The following CALCR variants were observed in gnomAD, a reference collection of about 807,000 sequenced individuals.
The protein encoded by CALCR is calcitonin receptor.
CALCR carries 47 observed loss-of-function variants against 59.5 expected under a neutral mutation model. The observed-to-expected ratio is 0.79, with a 90% confidence interval of 0.63 to 1.01. The LOEUF (loss-of-function observed/expected upper bound fraction) is 1.01. CALCR is among the 50% of genes least tolerant of loss of function. The probability of loss-of-function intolerance (pLI) is 0.00; values close to 1 mark genes in which losing one functional copy is unlikely to be tolerated. For missense variants in CALCR, 566 were observed against 597.1 expected, an observed-to-expected ratio of 0.95 and a Z score of 0.54; for synonymous variants, 213 against 211.3, an observed-to-expected ratio of 1.01 and a Z score of -0.07.
At chr7:93,490,210 C>T (rs934429397) in intron 2 of CALCR, among the ~76,000 whole-genome samples, 2 of 151,842 alleles carry the variant, frequency 1.3e-5, no homozygotes, top group African/African-American at 4.8e-5. Flanking sequence ...AGGCAACATC[C>T]CTTTATGTTA....
chr7:93,562,458 A>G (rs1563021905), intron 2 of CALCR, among the ~76,000 whole-genome samples: 1 of 152,218 alleles, frequency 6.6e-6, no homozygotes, highest in Non-Finnish European at 1.5e-5. Context: ...TGAAGACATT[A>G]TAATTAATAA....
intron 13 of CALCR, among the ~76,000 whole-genome samples, chr7:93,428,132 T>C (rs1189248754): frequency 6.6e-6 from 1 of 152,126 alleles, no homozygotes; most frequent in African/African-American, 2.4e-5. Context: ...CAGCTGAAAG[T>C]TGTATTGAAA....
intron 2 of CALCR, among the ~76,000 whole-genome samples, chr7:93,569,178 T>C (rs1393999898): frequency 6.6e-6 from 1 of 152,090 alleles, no homozygotes; most frequent in African/African-American, 2.4e-5. Flanking sequence ...TATCCATCCT[T>C]TTTTTCAATC....
chr7:93,443,554 T>C (rs1163498688), intron 9 of CALCR, 50 bp downstream of exon 9: 2 of 1,563,112 alleles, frequency 1.3e-6, no homozygotes, highest in African/African-American at 1.4e-5. Context: ...ACTGAAAGCA[T>C]ACAGACAGAG....
intron 3 of CALCR, among the ~76,000 whole-genome samples, chr7:93,480,747 C>T (rs891835129): frequency 2.0e-5 from 3 of 151,794 alleles, no homozygotes; most frequent in South Asian, 2.1e-4. Flanking sequence ...CAAAAATATT[C>T]AGGATGGCTA....
chr7:93,466,665 C>A (rs529929740), intron 7 of CALCR, among the ~76,000 whole-genome samples: 1 of 151,558 alleles, frequency 6.6e-6, no homozygotes, highest in South Asian at 2.1e-4. Flanking sequence ...GTTTTTCTTC[C>A]CCAGATTTAA....
chr7:93,567,907 C>T (rs1297790819), intron 2 of CALCR, among the ~76,000 whole-genome samples: 1 of 152,098 alleles, frequency 6.6e-6, no homozygotes, highest in African/African-American at 2.4e-5. Flanking sequence ...CACAAACAGT[C>T]TGGAAAATAT....
intron 9 of CALCR, among the ~76,000 whole-genome samples, chr7:93,438,681 A>T (rs1380785550): frequency 6.6e-6 from 1 of 152,164 alleles, no homozygotes; most frequent in Non-Finnish European, 1.5e-5. Flanking sequence ...GGTGTATGAA[A>T]GCAATAGTCT....
intron 8 of CALCR, among the ~76,000 whole-genome samples, chr7:93,448,624 G>A (rs1245571980): frequency 1.3e-5 from 2 of 151,958 alleles, no homozygotes; most frequent in African/African-American, 2.4e-5. Flanking sequence ...AGTAATTTTT[G>A]TAGCCTATTT....
At chr7:93,495,793 G>T in intron 2 of CALCR, 1 of 959,684 alleles carries the variant, frequency 1.0e-6, no homozygotes, top group South Asian at 1.5e-5. Flanking sequence ...CTAAAAATCT[G>T]ATTGTTGTGG....
intron 2 of CALCR, among the ~76,000 whole-genome samples, chr7:93,511,817 C>T (rs1801552745): frequency 6.6e-6 from 1 of 152,088 alleles, no homozygotes; most frequent in South Asian, 2.1e-4. Flanking sequence ...AATGGAAATT[C>T]TAGCAATGAA....
At chr7:93,476,001 A>G (rs1288979051) in intron 5 of CALCR, among the ~76,000 whole-genome samples, 1 of 151,848 alleles carries the variant, frequency 6.6e-6, no homozygotes, top group Admixed American at 6.6e-5. Context: ...AACTACTTGC[A>G]GATTCCGAGG....
At chr7:93,471,322 G>T (rs1351275961) in intron 6 of CALCR, among the ~76,000 whole-genome samples, 1 of 151,674 alleles carries the variant, frequency 6.6e-6, no homozygotes, top group Non-Finnish European at 1.5e-5. Context: ...TCTCCATTAG[G>T]GTGTAGACAT....
chr7:93,458,758 C>A (rs1800259259), intron 8 of CALCR, among the ~76,000 whole-genome samples: 1 of 152,112 alleles, frequency 6.6e-6, no homozygotes, highest in African/African-American at 2.4e-5. Context: ...TCCACTTGTC[C>A]ATTCAGGCCT....
At chr7:93,472,783 C>CA (rs1380505483) in intron 5 of CALCR, among the ~76,000 whole-genome samples, 9 of 151,824 alleles carry the variant, frequency 5.9e-5, no homozygotes, top group African/African-American at 2.2e-4. Flanking sequence ...GATTTAGACC[C>CA]AAAGACATGG....
In CALCR at chr7:93,438,056, TCAC is replaced by T. The variant is rs1002933341; in HGVS notation, c.930+1_930+3del. 3 of 1,612,668 alleles carry T rather than the reference TCAC, an allele frequency of 1.9e-6. No homozygotes were observed. The highest frequency in any genetic ancestry group is 2.5e-6 in the Non-Finnish European group (3 of 1,178,976). On this transcript the variant is annotated splice_donor_variant and splice_donor_region_variant and intron_variant, in intron 11 of 13. Coordinates refer to ENST00000426151, the MANE Select transcript of CALCR (RefSeq NM_001742.4). LOFTEE classifies it high-confidence loss of function. ...TAATATTGCAATAAAAAACTAATTC[TCAC>T]CACAAGTGCCGCCATGACAGGTCCA...
At chr7:93,457,887 A>AAG (rs58148852) in intron 8 of CALCR, among the ~76,000 whole-genome samples, 9,392 of 152,136 alleles carry the variant, frequency 0.062, 922 homozygotes, top group African/African-American at 0.21. Flanking sequence ...AGTGGTAAAG[A>AAG]AGAGAGGTTG....
chr7:93,545,847 A>C (rs980557634), intron 2 of CALCR, among the ~76,000 whole-genome samples: 1 of 152,078 alleles, frequency 6.6e-6, no homozygotes, highest in Admixed American at 6.6e-5. Flanking sequence ...ACTACACTCC[A>C]TGCTTAGGTT....
chr7:93,494,706 G>A (rs1039650877), intron 2 of CALCR, among the ~76,000 whole-genome samples: 1 of 151,324 alleles, frequency 6.6e-6, no homozygotes, highest in African/African-American at 2.4e-5. Context: ...AGCACTTTAT[G>A]GTGACTCCTG....
Sources: gnomAD v4.1 joint callset for allele counts (sites outside exome capture counted in the v4.1 genomes callset) on GRCh38, gnomAD v4.1.1 for gene constraint, MANE v1.5 for transcripts, NCBI Gene and HGNC (gene_info 2026-07-23, HGNC 2026-07-21) for gene names.